The following POLQ variants were observed in gnomAD, a reference collection of about 807,000 sequenced individuals.
The protein encoded by POLQ is epididymis secretory sperm binding protein.
POLQ carries 233 observed loss-of-function variants against 259.2 expected under a neutral mutation model. The ratio of observed to expected loss-of-function variants is 0.90; its 90% CI spans 0.81 to 1.00. The LOEUF (loss-of-function observed/expected upper bound fraction) is 1.00. POLQ is among the 50% of genes least tolerant of loss of function. POLQ has a pLI of 0.00. For synonymous variants in POLQ, 1,025 were observed against 1,048.8 expected (o/e 0.98, Z 0.44); for missense variants, 2,871 against 3,051.6 (o/e 0.94, Z 1.39).
intron 8 of POLQ, chr3:121,521,535 A>G (rs1012859179): frequency 6.6e-6 from 1 of 152,356 alleles, no homozygotes; most frequent in African/African-American, 2.4e-5. Context: ...AGGGGAGACT[A>G]CTATATAGAA....
intron 28 of POLQ, 83 bp from the exon 29 acceptor site, chr3:121,433,116 A>G (rs2047514812): frequency 1.3e-6 from 1 of 756,894 alleles, no homozygotes; most frequent in South Asian, 1.5e-5. Context: ...AGTAACTCTG[A>G]GGAATTTTAA....
At chr3:121,460,028 T>A in intron 25 of POLQ, 22 bp downstream of exon 25, 3 of 1,586,640 alleles carry the variant, frequency 1.9e-6, no homozygotes, top group Non-Finnish European at 2.6e-6. Flanking sequence ...TCCTTTATAT[T>A]AACCATGTTC....
chr3:121,455,163 A>G (rs1335843485), intron 25 of POLQ, among the ~76,000 whole-genome samples: 3 of 150,102 alleles, frequency 2.0e-5, no homozygotes, highest in Admixed American at 6.7e-5. Context: ...AGGCAGAAAT[A>G]AAGATGTTCT....
rs950955931 is a variant in POLQ at position 121,544,871 on chromosome 3, C to A, written c.199G>T (p.Asp67Tyr). The A allele has an allele frequency of 4.3e-6, 7 of 1,611,100 alleles. No individual in the cohort carries two copies. The Admixed American group carries it at 6.7e-5, about 15-fold the overall frequency. ...CCCCAGTTTGCCAATAGTAGCTTGTCTCTTTCGTAGTCAGGAACTGTAGGC... is the reference window on the plus strand; with the variant it reads ...CCCCAGTTTGCCAATAGTAGCTTGTATCTTTCGTAGTCAGGAACTGTAGGC... ...CKPTVPDYER[D>Y]KLLLANWGLP... Residue 67 changes from aspartate to tyrosine, a missense_variant, in exon 2 of 30, where the codon GAC becomes TAC. Around this residue, in one of 3 missense-constraint regions of POLQ, gnomAD observed 783 missense variants for 906.2 expected, o/e 0.86. Transcript: ENST00000264233.
At chr3:121,499,450 T>G (rs2048149565) in intron 12 of POLQ, among the ~76,000 whole-genome samples, 1 of 152,118 alleles carries the variant, frequency 6.6e-6, no homozygotes, top group Non-Finnish European at 1.5e-5. Flanking sequence ...AAACTGGGTT[T>G]TATTCTGTTG....
chr3:121,461,301 C>T (rs966764208), intron 24 of POLQ, among the ~76,000 whole-genome samples: 4 of 152,176 alleles, frequency 2.6e-5, no homozygotes, highest in Non-Finnish European at 5.9e-5. Context: ...ACTACCTGAA[C>T]ATAGTTTAAA....
chr3:121,474,164 A>G (rs1478642008), intron 20 of POLQ, among the ~76,000 whole-genome samples: 2 of 152,232 alleles, frequency 1.3e-5, no homozygotes, highest in African/African-American at 4.8e-5. Context: ...GTTAAGCCCC[A>G]TAGATCAACA....
rs918249513 is a variant in POLQ, at chr3:121,433,042, T to G, written c.7544-9A>C. The G allele has an allele frequency of 7.3e-6, 11 of 1,514,440 alleles. No homozygotes were observed. The highest frequency in any genetic ancestry group is 7.3e-6 in the Non-Finnish European group (8 of 1,089,516). The allele number at this position is 1,514,440 out of a possible 1,614,324, so 93.8% of individuals were successfully genotyped here. On this transcript the variant is annotated splice_polypyrimidine_tract_variant and intron_variant, in intron 28 of 29. Transcript: ENST00000264233. The stretch of plus-strand genomic sequence containing the variant: ...TCTCTTTCGTGACAATCCTACTTCA[T>G]GAAAAAGGAGCAAAACTGATCAGCA...
chr3:121,523,955 C>CA (rs1189342939), intron 7 of POLQ, among the ~76,000 whole-genome samples: 4 of 151,718 alleles, frequency 2.6e-5, no homozygotes, highest in African/African-American at 9.7e-5. Context: ...ATTTTTACTT[C>CA]AAAAAAAGAC....
Position 121,490,376 on chromosome 3 carries a change from G to C in POLQ, c.2555C>G (p.Ala852Gly). The C allele has an allele frequency of 1.2e-6, 2 of 1,614,174 alleles. No homozygotes were observed. The highest frequency in any genetic ancestry group is 1.7e-6 in the Non-Finnish European group (2 of 1,180,014). The change falls in exon 16 of 30, where the codon GCA (alanine) becomes GGA (glycine). Residue 852 changes from alanine to glycine, a missense_variant. This residue lies in a region of POLQ where 2,080 missense variants were observed against 2,126.0 expected (regional missense o/e 0.98). Coordinates refer to ENST00000264233, the MANE Select transcript of POLQ (RefSeq NM_199420.4). ...ARKAVDEEEE[A>G]VEERRNMRTI... ...TCGCATATTGCGACGTTCTTCAACTGCTTCCTCTTCCTCATCCACTGCCTT... is the reference window on the plus strand; with the variant it reads ...TCGCATATTGCGACGTTCTTCAACTCCTTCCTCTTCCTCATCCACTGCCTT...
Position 121,489,849 on chromosome 3 carries a change from A to G in POLQ, c.3082T>C (p.Leu1028=). 6.2e-7 allele frequency: 1 copy of G among 1,609,830 alleles called. No individual in the cohort carries two copies. The highest frequency in any genetic ancestry group is 8.5e-7 in the Non-Finnish European group (1 of 1,179,134). Residue 1028 remains leucine, a synonymous_variant, in exon 16 of 30, where the codon TTG becomes CTG. Transcript: ENST00000264233. ...CTCATCTTTTCTGAATTGAAATTCAAAGGTGCCTTTTTTGTTTTCTGTGAA... is the reference window on the plus strand; with the variant it reads ...CTCATCTTTTCTGAATTGAAATTCAGAGGTGCCTTTTTTGTTTTCTGTGAA... ...TFSQKTKKAP[L]NFNSEKMSRS... is the part of the protein sequence containing the mutation.
Position 121,451,123 on chromosome 3 carries a change from C to T in POLQ, c.7153-1697G>A, listed in dbSNP as rs929334485. Among the ~76,000 whole-genome samples, 7 of 152,162 alleles carry T rather than the reference C, an allele frequency of 4.6e-5. No homozygotes were observed. In the South Asian group the frequency reaches 6.2e-4, roughly 14 times the overall value. ...CATTTGTCACGTAGTTCTTTTGCCA[C>T]GGTTTTCAGCTCCATCAGGTCATTT... On this transcript the variant is annotated intron_variant, in intron 25 of 29. Transcript: ENST00000264233.
intron 25 of POLQ, among the ~76,000 whole-genome samples, chr3:121,450,371 TTTA>T (rs138306909): frequency 0.013 from 2,050 of 151,990 alleles, 43 homozygotes; most frequent in African/African-American, 0.046. Flanking sequence ...TTATTATTTA[TTTA>T]TTTTTTTTAT....
At chr3:121,494,494 C>T (rs2048098021) in intron 14 of POLQ, 2 of 1,496,010 alleles carry the variant, frequency 1.3e-6, no homozygotes, top group African/African-American at 1.4e-5. Flanking sequence ...GGGACGTCCC[C>T]ACCAAGAGAC....
At chr3:121,529,824 G>C in intron 6 of POLQ, 32 bp from the exon 7 acceptor site, 3 of 1,548,590 alleles carry the variant, frequency 1.9e-6, no homozygotes, top group Non-Finnish European at 2.6e-6. Flanking sequence ...CCACTTTAGT[G>C]GTCCTTTCAA....
Position 121,432,396 on chromosome 3 carries a change from C to T in POLQ, c.7681G>A (p.Glu2561Lys), listed in dbSNP as rs150701139. The change falls in exon 30 of 30, where the codon GAA (glutamate) becomes AAA (lysine). Residue 2561 changes from glutamate (E) to lysine (K), a missense_variant. This residue lies in a region of POLQ where 2,080 missense variants were observed against 2,126.0 expected (regional missense o/e 0.98). Coordinates refer to ENST00000264233, the MANE Select transcript of POLQ (RefSeq NM_199420.4). ...VVQVAQIVKNEMESAVKLSVK... is the reference protein window; with the variant it reads ...VVQVAQIVKNKMESAVKLSVK... ...GACAGTTTTACAGCACTTTCCATTTCATTCTTGACAATCTGAGCTACCTAA... is the reference window on the plus strand; with the variant it reads ...GACAGTTTTACAGCACTTTCCATTTTATTCTTGACAATCTGAGCTACCTAA... 3.1e-5 allele frequency: 50 copies of T among 1,606,994 alleles called. No homozygotes were observed. The Middle Eastern group carries it at 4.9e-4, about 16-fold the overall frequency.
At chr3:121,543,441 C>T (rs1355632462) in intron 2 of POLQ, among the ~76,000 whole-genome samples, 1 of 152,206 alleles carries the variant, frequency 6.6e-6, no homozygotes, top group Non-Finnish European at 1.5e-5. Flanking sequence ...CTCACTCTTC[C>T]TAAGTAATCT....
chr3:121,513,761 T>A (rs1360486795), intron 9 of POLQ, among the ~76,000 whole-genome samples: 3 of 151,756 alleles, frequency 2.0e-5, no homozygotes, highest in African/African-American at 7.3e-5. Context: ...CAGTGGCTTA[T>A]GCCTGTAATC....
At chr3:121,459,738 C>T (rs1166665916) in intron 25 of POLQ, among the ~76,000 whole-genome samples, 2 of 152,084 alleles carry the variant, frequency 1.3e-5, no homozygotes, top group African/African-American at 4.8e-5. Flanking sequence ...TACGAACACA[C>T]GCACTCTGAC....
Sources: allele counts gnomAD v4.1 joint callset (sites outside exome capture counted in the v4.1 genomes callset), GRCh38; gene constraint gnomAD v4.1.1; regional missense constraint gnomAD v4.1.1; transcripts MANE v1.5; gene names NCBI Gene and HGNC (gene_info 2026-07-23, HGNC 2026-07-21).